The following CHD7 variants were observed in gnomAD, a reference collection of about 807,000 sequenced individuals.
CHD7 encodes chromodomain helicase DNA binding protein 7, also known as ATP-dependent chromatin remodeler CHD7.
A neutral mutation model predicts 307.3 loss-of-function variants in CHD7; 24 were observed. That is an observed-to-expected ratio of 0.08 (90% CI 0.06 to 0.11). The LOEUF (loss-of-function observed/expected upper bound fraction) is 0.11. Among genes scored for constraint, CHD7 ranks in the 10% least tolerant of loss-of-function variants. CHD7 has a pLI of 1.00. For synonymous variants in CHD7, 1,363 were observed against 1,349.9 expected (o/e 1.01, Z -0.21); for missense variants, 3,106 against 3,727.1 (o/e 0.83, Z 4.34).
At position 60,781,018 on chromosome 8, in the gene CHD7, T is replaced by C. The variant is rs1344717812; in HGVS notation, c.1684T>C (p.Phe562Leu). Reference sequence around the variant, plus strand: ...CTCTCAGCATTCCCCGTCGGAGCCCTTTCTAGAGAAACCAGTGCCGGATAT... The same window carrying C: ...CTCTCAGCATTCCCCGTCGGAGCCCCTTCTAGAGAAACCAGTGCCGGATAT... ...PVHQHSPSEP[F>L]LEKPVPDMTQ... Residue 562 changes from phenylalanine (F) to leucine (L), a missense_variant, in exon 3 of 38, where the codon TTT becomes CTT. This residue lies in a region of CHD7 where 998 missense variants were observed against 1,004.5 expected (regional missense o/e 0.99). Coordinates refer to ENST00000423902, the MANE Select transcript of CHD7 (RefSeq NM_017780.4). The C allele has an allele frequency of 6.4e-7, 1 of 1,573,098 alleles. No individual in the cohort carries two copies. Among genetic ancestry groups the C allele is most frequent in the African/African-American group, 1.4e-5 (1 of 72,738 alleles).
intron 37 of CHD7, chr8:60,864,760 G>A: frequency 2.1e-6 from 1 of 484,022 alleles, no homozygotes; most frequent in Non-Finnish European, 3.7e-6. Context: ...GATTTCTTGA[G>A]TTAGTTATGG....
At chr8:60,685,931 G>T (rs565217347) in intron 1 of CHD7, among the ~76,000 whole-genome samples, 67 of 152,328 alleles carry the variant, frequency 4.4e-4, no homozygotes, top group Admixed American at 9.8e-4. Flanking sequence ...ATGGGTGATT[G>T]CCAGCCAATA....
intron 2 of CHD7, among the ~76,000 whole-genome samples, chr8:60,769,397 A>G (rs1239725334): frequency 6.6e-6 from 1 of 152,186 alleles, no homozygotes; most frequent in Non-Finnish European, 1.5e-5. Flanking sequence ...AATTGCCACC[A>G]TTAAAGCTTT....
intron 1 of CHD7, among the ~76,000 whole-genome samples, chr8:60,695,548 T>C (rs965421041): frequency 6.6e-6 from 1 of 152,188 alleles, no homozygotes; most frequent in South Asian, 2.1e-4. Flanking sequence ...TGTTGTAGCG[T>C]TGGGAAGCAT....
At chr8:60,698,203 G>T (rs1806580412) in intron 1 of CHD7, among the ~76,000 whole-genome samples, 4 of 152,194 alleles carry the variant, frequency 2.6e-5, no homozygotes, top group Admixed American at 2.6e-4. Context: ...GAAAATGAAT[G>T]GTTCCTGTTT....
At chr8:60,765,805 T>A (rs1206432064) in intron 2 of CHD7, among the ~76,000 whole-genome samples, 1 of 152,192 alleles carries the variant, frequency 6.6e-6, no homozygotes, top group Non-Finnish European at 1.5e-5. Context: ...GCGCTTTACA[T>A]TTTAGAATGA....
chr8:60,836,799 C>G lies in CHD7; in HGVS notation c.3990-18C>G. 6.2e-7 allele frequency: 1 copy of G among 1,606,992 alleles called. No homozygotes were observed. Among genetic ancestry groups the G allele is most frequent in the Non-Finnish European group, 8.5e-7 (1 of 1,174,892 alleles). ...TCGCTATGCGTCAGGCCTCCTTGTT[C>G]ACACTGATGTTTTCTAGGTACCCAT... On this transcript the variant is annotated intron_variant, in intron 16 of 37. Transcript: ENST00000423902.
intron 6 of CHD7, among the ~76,000 whole-genome samples, chr8:60,807,427 A>G (rs1812587544): frequency 6.6e-6 from 1 of 152,260 alleles, no homozygotes; most frequent in Non-Finnish European, 1.5e-5. Flanking sequence ...CAAAAGGGGA[A>G]TAAAAAGAGA....
At chr8:60,690,959 C>G (rs1409702644) in intron 1 of CHD7, among the ~76,000 whole-genome samples, 1 of 152,202 alleles carries the variant, frequency 6.6e-6, no homozygotes, top group Non-Finnish European at 1.5e-5. Flanking sequence ...GAGTCCTGCT[C>G]TGTCTCACAG....
intron 2 of CHD7, among the ~76,000 whole-genome samples, chr8:60,751,353 TAA>T (rs1809634023): frequency 6.6e-6 from 1 of 152,210 alleles, no homozygotes; most frequent in Non-Finnish European, 1.5e-5. Context: ...TTCCCTGTTA[TAA>T]TAATCTTTCA....
At chr8:60,785,538 C>CA (rs1455503719) in intron 3 of CHD7, among the ~76,000 whole-genome samples, 1 of 152,156 alleles carries the variant, frequency 6.6e-6, no homozygotes, top group Non-Finnish European at 1.5e-5. Context: ...CTGAGGAACT[C>CA]AGCTTTTCAA....
chr8:60,732,749 A>G (rs1808515945), intron 1 of CHD7, among the ~76,000 whole-genome samples: 1 of 152,228 alleles, frequency 6.6e-6, no homozygotes, highest in Non-Finnish European at 1.5e-5. Flanking sequence ...CAAATTTTGT[A>G]AAATATACAT....
rs587783454 is a variant in CHD7, at chr8:60,854,437, C to G, written c.6850C>G (p.Arg2284Gly). 6.2e-7 allele frequency: 1 copy of G among 1,613,598 alleles called. No homozygotes were observed. Residue 2284 changes from arginine to glycine, a missense_variant, in exon 32 of 38, where the codon CGA becomes GGA. Around this residue, in one of 10 missense-constraint regions of CHD7, gnomAD observed 1,030 missense variants for 1,165.4 expected, o/e 0.88. Coordinates refer to ENST00000423902, the MANE Select transcript of CHD7 (RefSeq NM_017780.4). ...CATGAGCACTGCTAGAGATGAAACC[C>G]GAGATGGATTCTACATGGAGGACGG... ...ASMSTARDET[R>G]DGFYMEDGDP...
At chr8:60,700,680 C>G (rs1173793710) in intron 1 of CHD7, among the ~76,000 whole-genome samples, 1 of 152,214 alleles carries the variant, frequency 6.6e-6, no homozygotes, top group South Asian at 2.1e-4. Flanking sequence ...AATGCCAGGT[C>G]TGCTGTTGGC....
At chr8:60,706,676 A>G (rs940829285) in intron 1 of CHD7, among the ~76,000 whole-genome samples, 1 of 152,130 alleles carries the variant, frequency 6.6e-6, no homozygotes, top group Non-Finnish European at 1.5e-5. Flanking sequence ...GTAATTTATG[A>G]TTTGGTGATT....
At position 60,800,279 on chromosome 8, in the gene CHD7, G is replaced by A. The variant is rs569349271; in HGVS notation, c.2239-109G>A. The A allele has an allele frequency of 9.1e-4, 941 of 1,034,636 alleles. 7 individuals carry two copies. In the African/African-American group the frequency reaches 0.013, roughly 15 times the overall value. The allele number at this position is 1,034,636 out of a possible 1,614,324, so 64.1% of individuals were successfully genotyped here. On this transcript the variant is annotated intron_variant, in intron 4 of 37. Coordinates refer to ENST00000423902, the MANE Select transcript of CHD7 (RefSeq NM_017780.4). ...GATCTCCTGACCTTGTGATCCGCCCGCCTCGGCCTCCCAAAGTGCTGGGAT... is the reference window on the plus strand; with the variant it reads ...GATCTCCTGACCTTGTGATCCGCCCACCTCGGCCTCCCAAAGTGCTGGGAT...
intron 21 of CHD7, among the ~76,000 whole-genome samples, chr8:60,844,120 T>G (rs1291962974): frequency 1.3e-5 from 2 of 152,170 alleles, no homozygotes; most frequent in Admixed American, 1.3e-4. Flanking sequence ...CCCCCGTACC[T>G]ATTTGTTGTG....
intron 1 of CHD7, among the ~76,000 whole-genome samples, chr8:60,684,650 G>A (rs1157131897): frequency 2.0e-5 from 3 of 152,170 alleles, no homozygotes; most frequent in African/African-American, 7.2e-5. Context: ...GGGAGGCTGT[G>A]TGTTTGAGGC....
intron 1 of CHD7, among the ~76,000 whole-genome samples, chr8:60,699,525 AT>A (rs56397600): frequency 0.027 from 4,063 of 148,088 alleles, 176 homozygotes; most frequent in African/African-American, 0.09. Context: ...TTAAAAAAAA[AT>A]TTTTTTTTTT....
Sources: gnomAD v4.1 joint callset for allele counts (sites outside exome capture counted in the v4.1 genomes callset) on GRCh38, gnomAD v4.1.1 for gene constraint, gnomAD v4.1.1 regional missense constraint, MANE v1.5 for transcripts, NCBI Gene and HGNC (gene_info 2026-07-23, HGNC 2026-07-21) for gene names.